EEF1AKMT2: variants seen among roughly 807,000 people sequenced by gnomAD.
The protein encoded by EEF1AKMT2 is eukaryotic translation elongation factor 1 alpha lysine methyltransferase 2.
EEF1AKMT2 carries 32 observed loss-of-function variants against 35.8 expected under a neutral mutation model. The observed-to-expected ratio is 0.89, with a 90% CI of 0.67 to 1.20. The LOEUF (loss-of-function observed/expected upper bound fraction) is 1.20, where lower values mean the gene tolerates loss of function less well. EEF1AKMT2 is among the 50% of genes most tolerant of loss of function. The probability of loss-of-function intolerance (pLI) is 0.00; values close to 1 mark genes in which losing one functional copy is unlikely to be tolerated. For synonymous variants in EEF1AKMT2, 121 were observed against 133.7 expected (o/e 0.91, Z 0.65); for missense variants, 330 against 347.5 (o/e 0.95, Z 0.40).
Position 124,765,620 on chromosome 10 carries a change from G to A in EEF1AKMT2, c.400-12C>T, listed in dbSNP as rs761379545. The A allele has an allele frequency of 1.3e-6, 2 of 1,599,898 alleles. No individual in the cohort carries two copies. Among genetic ancestry groups the A allele is most frequent in the African/African-American group, 2.7e-5 (2 of 74,476 alleles). On this transcript the variant is annotated splice_polypyrimidine_tract_variant and intron_variant, in intron 4 of 6. Transcript: ENST00000368836. ...AAAAAGTCTTCTACCTATATTAAAA[G>A]TCAATGTCTATGTGAGAACAATTAA...
intron 4 of EEF1AKMT2, among the ~76,000 whole-genome samples, chr10:124,769,811 G>C (rs1950412874): frequency 6.6e-6 from 1 of 151,684 alleles, no homozygotes; most frequent in Admixed American, 6.6e-5. Context: ...GCCGGGCATG[G>C]TGGCACATGC....
At chr10:124,770,652 CATG>C (rs1249921397) in intron 4 of EEF1AKMT2, among the ~76,000 whole-genome samples, 5 of 151,822 alleles carry the variant, frequency 3.3e-5, no homozygotes, top group African/African-American at 1.2e-4. Flanking sequence ...CTCTGGAGTA[CATG>C]ATATTGTTTG....
chr10:124,791,816 G>C lies in EEF1AKMT2; in HGVS notation c.18C>G (p.Asp6Glu). The part of the protein sequence containing the change: MSSGA[D>E]GGGGAAVAAR... ...CCGCCACCGCAGCGCCACCGCCGCC[G>C]TCAGCGCCCGAGCTCATTTCGCTCC... Residue 6 changes from aspartate (D) to glutamate (E), a missense_variant, in exon 1 of 7, where the codon GAC becomes GAG. Asp to Glu is a conservative substitution (Grantham distance 45, BLOSUM62 2). Transcript: ENST00000368836. 9 of 1,583,068 alleles carry C rather than the reference G, an allele frequency of 5.7e-6. No individual in the cohort carries two copies. The highest frequency in any genetic ancestry group is 7.7e-6 in the Non-Finnish European group (9 of 1,170,460).
Position 124,782,140 on chromosome 10 carries a change from T to C in EEF1AKMT2, c.291+6903A>G, listed in dbSNP as rs540023216. Among the ~76,000 whole-genome samples, 4 of 152,142 alleles carry C rather than the reference T, an allele frequency of 2.6e-5. No individual in the cohort carries two copies. In the South Asian group the frequency reaches 8.3e-4, roughly 32 times the overall value. On this transcript the variant is annotated intron_variant, in intron 3 of 6. Transcript: ENST00000368836. ...TCAAGAAGATACACATAAATTAAAA[T>C]GAAATACTAACAAATGTTCAAATAA...
Position 124,790,311 on chromosome 10 carries a change from C to T in EEF1AKMT2, c.138G>A (p.Leu46=). The change falls in exon 2 of 7, where the codon CTG becomes CTA. Residue 46 remains leucine, a synonymous_variant. Transcript: ENST00000368836. ...EHWDAVYERE[L]QTFREYGDTG... ...TATCTCCATATTCTCGGAAAGTTTG[C>T]AGTTCTCTCTCATAGACAGCATCCC... The T allele has an allele frequency of 6.2e-7, 1 of 1,612,662 alleles. No individual in the cohort carries two copies. The highest frequency in any genetic ancestry group is 8.5e-7 in the Non-Finnish European group (1 of 1,178,722).
chr10:124,771,749 G>A (rs543026437), intron 4 of EEF1AKMT2, among the ~76,000 whole-genome samples: 49 of 151,980 alleles, frequency 3.2e-4, no homozygotes, highest in Non-Finnish European at 5.7e-4. Flanking sequence ...GGCACCTGTA[G>A]TCCCAGCTAC....
intron 1 of EEF1AKMT2, 39 bp downstream of exon 1, chr10:124,791,685 C>A: frequency 6.5e-7 from 1 of 1,548,160 alleles, no homozygotes; most frequent in Admixed American, 1.9e-5. Flanking sequence ...CCAGGCAGGG[C>A]GGCACGGCTC....
intron 3 of EEF1AKMT2, among the ~76,000 whole-genome samples, chr10:124,780,946 G>A (rs986115957): frequency 6.6e-6 from 1 of 151,896 alleles, no homozygotes; most frequent in Non-Finnish European, 1.5e-5. Flanking sequence ...AAAAACAAGT[G>A]ACGTAACTTT....
intron 4 of EEF1AKMT2, among the ~76,000 whole-genome samples, chr10:124,773,059 C>T (rs754700061): frequency 5.3e-5 from 8 of 152,236 alleles, no homozygotes; most frequent in South Asian, 4.1e-4. Flanking sequence ...TGGCCTATCG[C>T]GGTTTTCAAC....
At position 124,784,514 on chromosome 10, in the gene EEF1AKMT2, T is replaced by C. The variant is rs1321318086; in HGVS notation, c.291+4529A>G. Among the ~76,000 whole-genome samples, 6 of 152,010 alleles carry C rather than the reference T, an allele frequency of 3.9e-5. 1 individual carries two copies. The South Asian group carries it at 1.0e-3, about 26-fold the overall frequency. On this transcript the variant is annotated intron_variant, in intron 3 of 6. Transcript: ENST00000368836. ...TGATAAATTCATAGCATTCATAGCA[T>C]TAAATAATTTCATTAGAAAAGTCTC...
At position 124,760,089 on chromosome 10, in the gene EEF1AKMT2, G is replaced by T. The variant is rs1023290265; in HGVS notation, c.*414C>A. On this transcript the variant is annotated 3_prime_UTR_variant, in exon 7 of 7. Transcript: ENST00000368836. ...AACTTTACCAAGGCACAAAAATCAA[G>T]AATACATGCTTTCTATAAACTCATT... The T allele has an allele frequency of 1.0e-5, 3 of 291,292 alleles. No individual in the cohort carries two copies. Among genetic ancestry groups the T allele is most frequent in the African/African-American group, 2.2e-5 (1 of 46,328 alleles). The allele number at this position is 291,292 out of a possible 1,614,324, so 18.0% of individuals were successfully genotyped here.
Position 124,789,176 on chromosome 10 carries a change from C to A in EEF1AKMT2, c.177-19G>T. 2 of 1,546,890 alleles carry A rather than the reference C, an allele frequency of 1.3e-6. No individual in the cohort carries two copies. The highest frequency in any genetic ancestry group is 2.2e-5 in the South Asian group (2 of 89,066). On this transcript the variant is annotated intron_variant, in intron 2 of 6. Transcript: ENST00000368836. ...TCCAAACCTGTTAGAGAGAATCAGT[C>A]AAATAACTGAGGGATACAGAGCAAA...
intron 6 of EEF1AKMT2, 93 bp downstream of exon 6, chr10:124,762,207 C>T: frequency 1.1e-6 from 1 of 908,244 alleles, no homozygotes; most frequent in Non-Finnish European, 1.4e-6. Context: ...TGTAAAGATC[C>T]AAATAAGGTA....
rs1477078464 is a variant in EEF1AKMT2 at position 124,758,135 on chromosome 10, C to T, written c.*2368G>A. The T allele has an allele frequency of 1.3e-5, 2 of 152,126 alleles. No homozygotes were observed. The highest frequency in any genetic ancestry group is 1.3e-4 in the Admixed American group (2 of 15,268). The allele number at this position is 152,126 out of a possible 1,614,324, so 9.4% of individuals were successfully genotyped here. ...CGCGTTTGCATTTCAAACAAGTTTC[C>T]TCAAAGTAAGCGTCTTTCGATTAAA... is the stretch of plus-strand genomic sequence containing the variant. On this transcript the variant is annotated 3_prime_UTR_variant, in exon 7 of 7. Coordinates refer to ENST00000368836, the MANE Select transcript of EEF1AKMT2 (RefSeq NM_212554.4).
rs149028277 is a variant in EEF1AKMT2, at chr10:124,761,580, C to T, written c.875+720G>A. Among the ~76,000 whole-genome samples the T allele has an allele frequency of 1.8e-3, 278 of 152,250 alleles. 2 individuals carry two copies. Among genetic ancestry groups the T allele is most frequent in the Middle Eastern group, 3.4e-3 (1 of 294 alleles). ...GCGTCTAAAATCCTAGGTTCAAATC[C>T]TAGGTTCAAAAAATTAACTTGGAAT... is the stretch of plus-strand genomic sequence containing the variant. On this transcript the variant is annotated intron_variant, in intron 6 of 6. Transcript: ENST00000368836.
At chr10:124,786,531 C>A (rs1444001745) in intron 3 of EEF1AKMT2, among the ~76,000 whole-genome samples, 1 of 148,338 alleles carries the variant, frequency 6.7e-6, no homozygotes, top group Non-Finnish European at 1.5e-5. Context: ...AAGTTCAGGC[C>A]AGGCAGAGTG....
At chr10:124,771,201 G>A (rs1159794805) in intron 4 of EEF1AKMT2, among the ~76,000 whole-genome samples, 5 of 151,740 alleles carry the variant, frequency 3.3e-5, no homozygotes, top group East Asian at 2.0e-4. Context: ...CCAGGTTCAC[G>A]CCATTCTCCT....
chr10:124,773,529 G>A (rs2134130065), intron 4 of EEF1AKMT2, among the ~76,000 whole-genome samples: 1 of 152,276 alleles, frequency 6.6e-6, no homozygotes, highest in Middle Eastern at 3.4e-3. Flanking sequence ...CACTGCGCCT[G>A]TCCCACTGTA....
At chr10:124,777,583 A>G (rs1589787849) in intron 3 of EEF1AKMT2, among the ~76,000 whole-genome samples, 1 of 151,826 alleles carries the variant, frequency 6.6e-6, no homozygotes, top group South Asian at 2.1e-4. Flanking sequence ...GCAGTAGCAC[A>G]ATCATGGCTT....
Sources: allele counts gnomAD v4.1 joint callset (sites outside exome capture counted in the v4.1 genomes callset), GRCh38; gene constraint gnomAD v4.1.1; transcripts MANE v1.5; gene names NCBI Gene and HGNC (gene_info 2026-07-23, HGNC 2026-07-21).